TRDN: variants seen among roughly 807,000 people sequenced by gnomAD.
TRDN encodes the protein triadin in skeletal muscle.
TRDN carries 161 observed loss-of-function variants against 149.7 expected under a neutral mutation model. The observed-to-expected ratio is 1.08, with a 90% CI of 0.95 to 1.23. The LOEUF (loss-of-function observed/expected upper bound fraction) is 1.23, where lower values mean the gene tolerates loss of function less well. Ranked by LOEUF, TRDN falls within the 50% of genes most tolerant of loss-of-function variation. The pLI is 0.00. For missense variants in TRDN, 896 were observed against 823.5 expected (o/e 1.09, Z -1.08); for synonymous variants, 294 against 250.5 (o/e 1.17, Z -1.64).
rs372783263 is a variant in TRDN at position 123,497,190 on chromosome 6, T to A, written c.853+3A>T. 6.5e-7 allele frequency: 1 copy of A among 1,545,658 alleles called. No individual in the cohort carries two copies. Among genetic ancestry groups the A allele is most frequent in the Non-Finnish European group, 8.7e-7 (1 of 1,146,834 alleles). ...AGACAAGTACAAGAATTGCTTGGAA[T>A]ACCTGGTTTTAAATCCCCATGGACA... On this transcript the variant is annotated splice_donor_region_variant and intron_variant, in intron 9 of 40. Transcript: ENST00000334268.
chr6:123,345,989 ATT>A (rs1299661342), intron 21 of TRDN, among the ~76,000 whole-genome samples: 1 of 151,898 alleles, frequency 6.6e-6, no homozygotes, highest in Non-Finnish European at 1.5e-5. Flanking sequence ...ATACAGTTTT[ATT>A]TTTTTCCCAA....
chr6:123,614,388 C>T (rs9401690), intron 1 of TRDN, among the ~76,000 whole-genome samples: 36,506 of 140,752 alleles, frequency 0.26, 4,630 homozygotes, highest in East Asian at 0.47. Context: ...GAAAATAAAA[C>T]ATACTTGCAA....
chr6:123,415,601 G>C (rs921621412), intron 12 of TRDN, among the ~76,000 whole-genome samples: 10 of 152,136 alleles, frequency 6.6e-5, no homozygotes, highest in African/African-American at 2.4e-4. Flanking sequence ...AAAATAGTAA[G>C]TGTACTAGCC....
At chr6:123,349,972 G>C in intron 21 of TRDN, 1 of 985,306 alleles carries the variant, frequency 1.0e-6, no homozygotes, top group Non-Finnish European at 1.2e-6. Flanking sequence ...AGCAAAGAAA[G>C]AAACTCTTCA....
rs1366945134 is a variant in TRDN at position 123,266,225 on chromosome 6, ATTATATATT to A, written c.1784-896_1784-888del. Among the ~76,000 whole-genome samples, 269 of 35,888 alleles carry A rather than the reference ATTATATATT, an allele frequency of 7.5e-3. 10 individuals are homozygous for A. The highest frequency in any genetic ancestry group is 0.023 in the African/African-American group (211 of 9,046). The allele number at this position is 35,888 out of a possible 152,430, so 23.5% of individuals were successfully genotyped here. On this transcript the variant is annotated intron_variant, in intron 32 of 40. Transcript: ENST00000334268. ...ATATATTATATATATTATAATATGT[ATTATATATT>A]ATATATATTATAATATATATTATAT...
intron 7 of TRDN, among the ~76,000 whole-genome samples, chr6:123,510,681 T>C (rs953242210): frequency 2.0e-5 from 3 of 151,026 alleles, no homozygotes; most frequent in African/African-American, 7.3e-5. Flanking sequence ...TCTCACTCTG[T>C]TGCCCAGGCC....
chr6:123,486,699 G>T (rs1478974666), intron 9 of TRDN, among the ~76,000 whole-genome samples: 1 of 151,624 alleles, frequency 6.6e-6, no homozygotes, highest in East Asian at 1.9e-4. Context: ...TTTTTTTCTG[G>T]ATGTTTGTGT....
chr6:123,307,551 C>T (rs897726097), intron 24 of TRDN, among the ~76,000 whole-genome samples: 1 of 151,748 alleles, frequency 6.6e-6, no homozygotes, highest in Non-Finnish European at 1.5e-5. Flanking sequence ...TTTTTAATTC[C>T]TATAAACTAA....
intron 23 of TRDN, among the ~76,000 whole-genome samples, chr6:123,325,405 C>G (rs565866132): frequency 8.5e-5 from 13 of 152,104 alleles, no homozygotes; most frequent in South Asian, 6.2e-4. Context: ...GATTACTAAA[C>G]CAAATATTCT....
chr6:123,486,178 T>TTAGA (rs1406803641), intron 9 of TRDN, among the ~76,000 whole-genome samples: 1 of 152,012 alleles, frequency 6.6e-6, no homozygotes, highest in Non-Finnish European at 1.5e-5. Flanking sequence ...TTCTGAAAGA[T>TTAGA]TTTACTCTTA....
intron 10 of TRDN, chr6:123,462,118 G>A (rs548228197): frequency 3.9e-5 from 6 of 152,220 alleles, no homozygotes; most frequent in Admixed American, 1.3e-4. Flanking sequence ...AAAACCTATT[G>A]TAGCCAATTT....
At chr6:123,448,436 A>C (rs910126734) in intron 10 of TRDN, among the ~76,000 whole-genome samples, 1 of 151,948 alleles carries the variant, frequency 6.6e-6, no homozygotes, top group Non-Finnish European at 1.5e-5. Context: ...TTAGCTTGGG[A>C]GCTGGGTGAG....
At chr6:123,259,703 A>C (rs1165954687) in intron 34 of TRDN, 41 bp from the exon 35 acceptor site, 1 of 1,391,146 alleles carries the variant, frequency 7.2e-7, no homozygotes, top group Non-Finnish European at 9.8e-7. Flanking sequence ...CATTTTAAAA[A>C]ACATGACTTT....
intron 12 of TRDN, among the ~76,000 whole-genome samples, chr6:123,400,076 A>C (rs991701989): frequency 3.3e-5 from 5 of 151,212 alleles, no homozygotes; most frequent in Admixed American, 6.6e-5. Context: ...GGATTGATTC[A>C]GACTCTAAGA....
At chr6:123,286,749 G>A (rs1368211544) in intron 24 of TRDN, among the ~76,000 whole-genome samples, 1 of 152,044 alleles carries the variant, frequency 6.6e-6, no homozygotes, top group Non-Finnish European at 1.5e-5. Context: ...CAGCATGTGG[G>A]GGAGTGTTGT....
At chr6:123,360,005 AT>A (rs1036019068) in intron 20 of TRDN, among the ~76,000 whole-genome samples, 37 of 151,754 alleles carry the variant, frequency 2.4e-4, no homozygotes, top group African/African-American at 8.0e-4. Flanking sequence ...GTGAAGGGGA[AT>A]TTTTTTTTAA....
intron 27 of TRDN, 93 bp downstream of exon 27, chr6:123,274,548 A>G (rs1777307593): frequency 2.7e-6 from 3 of 1,101,408 alleles, no homozygotes; most frequent in Admixed American, 4.8e-5. Context: ...GACTATGTGC[A>G]TGTCTCCCTA....
chr6:123,251,100 GC>G (rs1464340894), intron 38 of TRDN, among the ~76,000 whole-genome samples: 2 of 152,042 alleles, frequency 1.3e-5, no homozygotes, highest in African/African-American at 4.8e-5. Flanking sequence ...GCTTCCAAGG[GC>G]CTTTCCTTTT....
At chr6:123,477,703 A>G (rs577659886) in intron 9 of TRDN, among the ~76,000 whole-genome samples, 74 of 152,258 alleles carry the variant, frequency 4.9e-4, no homozygotes, top group African/African-American at 1.7e-3. Context: ...AATGTGGCAC[A>G]TATACACCAT....
Sources: gnomAD v4.1 joint callset for allele counts (sites outside exome capture counted in the v4.1 genomes callset) on GRCh38, gnomAD v4.1.1 for gene constraint, MANE v1.5 for transcripts, NCBI Gene and HGNC (gene_info 2026-07-23, HGNC 2026-07-21) for gene names.